Variants in FHIT observed in about 807,000 individuals in gnomAD.
FHIT encodes the protein bis(5'-adenosyl)-triphosphatase.
In FHIT, 19 loss-of-function variants were observed where a neutral mutation model predicts 17.9. The ratio of observed to expected loss-of-function variants is 1.06; its 90% CI spans 0.74 to 1.56. The LOEUF (loss-of-function observed/expected upper bound fraction) is 1.56. Among genes scored for constraint, FHIT ranks in the 40% most tolerant of loss-of-function variants. FHIT has a pLI of 0.00. For synonymous variants in FHIT, 81 were observed against 69.7 expected (o/e 1.16, Z -0.81); for missense variants, 248 against 189.2 (o/e 1.31, Z -1.82).
At chr3:59,901,372 G>A (rs1704322738) in intron 8 of FHIT, among the ~76,000 whole-genome samples, 2 of 152,196 alleles carry the variant, frequency 1.3e-5, no homozygotes, top group East Asian at 1.9e-4. Flanking sequence ...AATCTCGGGA[G>A]AGGTATCATG....
chr3:61,050,223 C>A (rs2033976076), intron 2 of FHIT, among the ~76,000 whole-genome samples: 1 of 152,126 alleles, frequency 6.6e-6, no homozygotes, highest in Non-Finnish European at 1.5e-5. Context: ...AAAGGTATTT[C>A]TTTTCCCATA....
intron 3 of FHIT, among the ~76,000 whole-genome samples, chr3:60,848,612 C>A (rs552569841): frequency 6.6e-6 from 1 of 152,256 alleles, no homozygotes. Flanking sequence ...AATTTGAATA[C>A]AACCTAGAGT....
chr3:60,732,825 T>C (rs1553711723), intron 4 of FHIT, among the ~76,000 whole-genome samples: 1 of 151,414 alleles, frequency 6.6e-6, no homozygotes, highest in Non-Finnish European at 1.5e-5. Context: ...TAGCTGGGAC[T>C]ACAGATGCGA....
intron 3 of FHIT, among the ~76,000 whole-genome samples, chr3:61,007,708 GA>G (rs1386858906): frequency 1.3e-5 from 2 of 152,192 alleles, no homozygotes; most frequent in Non-Finnish European, 2.9e-5. Context: ...CTACACTTCA[GA>G]AGCTGTTGAT....
At chr3:60,679,996 T>C (rs1553696423) in intron 4 of FHIT, among the ~76,000 whole-genome samples, 1 of 152,222 alleles carries the variant, frequency 6.6e-6, no homozygotes, top group Non-Finnish European at 1.5e-5. Context: ...ATAATATTTA[T>C]GTATTAGCTA....
intron 5 of FHIT, among the ~76,000 whole-genome samples, chr3:60,067,601 T>C (rs557452136): frequency 2.0e-5 from 3 of 152,290 alleles, no homozygotes; most frequent in Admixed American, 1.3e-4. Flanking sequence ...AACTTATCAA[T>C]TGCCATTGTT....
chr3:59,955,793 T>A (rs1559496294), intron 7 of FHIT, among the ~76,000 whole-genome samples: 1 of 152,210 alleles, frequency 6.6e-6, no homozygotes, highest in Non-Finnish European at 1.5e-5. Flanking sequence ...GTGATATATA[T>A]GTTAACCGTA....
intron 3 of FHIT, among the ~76,000 whole-genome samples, chr3:61,022,971 T>G (rs1026546877): frequency 6.6e-6 from 1 of 152,156 alleles, no homozygotes; most frequent in Non-Finnish European, 1.5e-5. Context: ...CTATTCAACA[T>G]AGTGTTGGAA....
chr3:61,018,387 G>A (rs1335925399), intron 3 of FHIT, among the ~76,000 whole-genome samples: 1 of 152,118 alleles, frequency 6.6e-6, no homozygotes, highest in Non-Finnish European at 1.5e-5. Context: ...CTTGCTGTTG[G>A]GAATTTAAGT....
At chr3:61,094,889 G>T (rs986418855) in intron 2 of FHIT, among the ~76,000 whole-genome samples, 6 of 152,004 alleles carry the variant, frequency 3.9e-5, no homozygotes, top group Non-Finnish European at 8.8e-5. Flanking sequence ...TACTTAGGAC[G>T]GTGTGCAATT....
chr3:59,903,963 A>C (rs908765921), intron 8 of FHIT, among the ~76,000 whole-genome samples: 2 of 152,156 alleles, frequency 1.3e-5, no homozygotes, highest in African/African-American at 2.4e-5. Context: ...TACAAAAGGG[A>C]CTGGCTGAAA....
At chr3:60,742,105 T>C (rs2042252940) in intron 4 of FHIT, among the ~76,000 whole-genome samples, 1 of 152,156 alleles carries the variant, frequency 6.6e-6, no homozygotes, top group African/African-American at 2.4e-5. Flanking sequence ...TGTTTCCTCA[T>C]CTGTAAAATA....
In FHIT at chr3:59,887,291, G is replaced by A. The variant is rs573492688; in HGVS notation, c.348+35055C>T. ...TCTTTCCCATGGCCCATCTCTGTTC[G>A]CTGGAGTCTGAGCACCATCTTTGGG... On this transcript the variant is annotated intron_variant, in intron 8 of 9. Transcript: ENST00000492590. Among the ~76,000 whole-genome samples the A allele has an allele frequency of 4.6e-5, 7 of 152,250 alleles. No individual in the cohort carries two copies. The South Asian group carries it at 8.3e-4, about 18-fold the overall frequency.
At chr3:60,012,262 T>G (rs1002998749) in intron 6 of FHIT, among the ~76,000 whole-genome samples, 1 of 137,438 alleles carries the variant, frequency 7.3e-6, no homozygotes, top group South Asian at 2.3e-4. Flanking sequence ...GTGTTTTTTT[T>G]GTTGTTTTTT....
chr3:60,049,809 TCTAA>T (rs1414935146), intron 5 of FHIT, among the ~76,000 whole-genome samples: 9 of 152,334 alleles, frequency 5.9e-5, no homozygotes, highest in Middle Eastern at 3.4e-3. Context: ...TTTTAATTCC[TCTAA>T]CTACTACAAG....
chr3:59,799,078 T>C (rs1699891476), intron 8 of FHIT, among the ~76,000 whole-genome samples: 1 of 149,360 alleles, frequency 6.7e-6, no homozygotes, highest in African/African-American at 2.5e-5. Context: ...CTTTGGAAGA[T>C]TCTAGAAACA....
chr3:61,154,535 T>C (rs1226345760), intron 2 of FHIT, among the ~76,000 whole-genome samples: 4 of 152,194 alleles, frequency 2.6e-5, no homozygotes, highest in African/African-American at 4.8e-5. Context: ...ATGCATTTGC[T>C]ACCCCCTAAA....
At chr3:60,378,172 G>T (rs186433899) in intron 5 of FHIT, among the ~76,000 whole-genome samples, 2,941 of 151,258 alleles carry the variant, frequency 0.019, 86 homozygotes, top group African/African-American at 0.067. Flanking sequence ...GACTACAGAC[G>T]CCTGCCACTA....
chr3:60,105,491 A>T (rs929988325), intron 5 of FHIT, among the ~76,000 whole-genome samples: 1 of 152,174 alleles, frequency 6.6e-6, no homozygotes, highest in African/African-American at 2.4e-5. Context: ...TACATTTAAA[A>T]TGTAAGAGGA....
Sources: allele counts gnomAD v4.1 joint callset (sites outside exome capture counted in the v4.1 genomes callset), GRCh38; gene constraint gnomAD v4.1.1; transcripts MANE v1.5; gene names NCBI Gene and HGNC (gene_info 2026-07-23, HGNC 2026-07-21).